SLC8A1: variants seen among roughly 807,000 people sequenced by gnomAD.
SLC8A1 encodes sodium/calcium exchanger 1.
A neutral mutation model predicts 68.3 loss-of-function variants in SLC8A1; 18 were observed. The ratio of observed to expected loss-of-function variants is 0.26; its 90% CI spans 0.18 to 0.39. The LOEUF is 0.39. SLC8A1 is among the 10% of genes least tolerant of loss of function. The pLI is 1.00. For missense variants in SLC8A1, 985 were observed against 1,156.7 expected, an observed-to-expected ratio of 0.85 and a Z score of 2.15; for synonymous variants, 475 against 415.5, an observed-to-expected ratio of 1.14 and a Z score of -1.74.
intron 2 of SLC8A1, among the ~76,000 whole-genome samples, chr2:40,283,794 C>T (rs553832107): frequency 3.2e-4 from 48 of 152,048 alleles, no homozygotes; most frequent in African/African-American, 1.0e-3. Context: ...CAATAGACGC[C>T]GAAGATAGAA....
At chr2:40,495,745 ATGTCTTGTG>A (rs1160750949) in intron 1 of SLC8A1, among the ~76,000 whole-genome samples, 4 of 152,054 alleles carry the variant, frequency 2.6e-5, no homozygotes, top group Non-Finnish European at 5.9e-5. Context: ...CTGAATTTAC[ATGTCTTGTG>A]ACAGGATTGG....
chr2:40,407,697 C>T (rs1027683287), intron 2 of SLC8A1, among the ~76,000 whole-genome samples: 1 of 152,168 alleles, frequency 6.6e-6, no homozygotes, highest in African/African-American at 2.4e-5. Context: ...AAAAGACATC[C>T]TCTATCTTGT....
At chr2:40,269,236 A>G (rs1574941296) in intron 2 of SLC8A1, among the ~76,000 whole-genome samples, 1 of 152,224 alleles carries the variant, frequency 6.6e-6, no homozygotes, top group African/African-American at 2.4e-5. Context: ...TTATAATAAC[A>G]TAGCTTATTC....
chr2:40,323,873 T>C (rs1019656518), intron 2 of SLC8A1, among the ~76,000 whole-genome samples: 3 of 152,122 alleles, frequency 2.0e-5, no homozygotes, highest in Admixed American at 2.0e-4. Flanking sequence ...AGGAAACTAG[T>C]ATGAGAAAGG....
chr2:40,119,945 C>G (rs185657074), intron 7 of SLC8A1, among the ~76,000 whole-genome samples: 4 of 152,308 alleles, frequency 2.6e-5, no homozygotes, highest in Admixed American at 2.6e-4. Context: ...TTGTTCTTTG[C>G]AGACCTGCCT....
intron 2 of SLC8A1, among the ~76,000 whole-genome samples, chr2:40,267,251 C>G (rs1395593981): frequency 6.6e-6 from 1 of 152,174 alleles, no homozygotes; most frequent in Non-Finnish European, 1.5e-5. Flanking sequence ...AGTCTTTTGT[C>G]TCTGGGTAAC....
In SLC8A1 at chr2:40,224,108, G is replaced by T. The variant is rs1024710196; in HGVS notation, c.1809-46253C>A. ...CGCTTCGTAGGGACTCATACATGAT[G>T]TTGCTCGGCAGTGAAATGATAGCTA... On this transcript the variant is annotated intron_variant, in intron 2 of 7. Transcript: ENST00000406785. Among the ~76,000 whole-genome samples, 8 of 152,268 alleles carry T rather than the reference G, an allele frequency of 5.3e-5. No homozygotes were observed. The South Asian group carries it at 1.2e-3, about 24-fold the overall frequency.
At chr2:40,465,337 T>C (rs2149897494) in intron 1 of SLC8A1, among the ~76,000 whole-genome samples, 1 of 152,296 alleles carries the variant, frequency 6.6e-6, no homozygotes, top group Non-Finnish European at 1.5e-5. Context: ...ATTTTTGGCA[T>C]GCTTACATTT....
chr2:40,286,133 C>T (rs1216828246), intron 2 of SLC8A1, among the ~76,000 whole-genome samples: 1 of 152,152 alleles, frequency 6.6e-6, no homozygotes, highest in Non-Finnish European at 1.5e-5. Context: ...TAATAGATGT[C>T]TGTCCAGTCA....
intron 2 of SLC8A1, among the ~76,000 whole-genome samples, chr2:40,400,178 A>C (rs1030431538): frequency 7.9e-5 from 12 of 152,126 alleles, no homozygotes; most frequent in African/African-American, 2.7e-4. Context: ...TTGAGACAGG[A>C]GTCTTGCCGA....
At chr2:40,119,044 T>G (rs1270876570) in intron 7 of SLC8A1, among the ~76,000 whole-genome samples, 1 of 152,158 alleles carries the variant, frequency 6.6e-6, no homozygotes, top group Non-Finnish European at 1.5e-5. Flanking sequence ...AAACCAGTCC[T>G]TTAGGCTGAC....
chr2:40,397,215 C>A (rs574863275), intron 2 of SLC8A1, among the ~76,000 whole-genome samples: 1 of 152,296 alleles, frequency 6.6e-6, no homozygotes, highest in East Asian at 1.9e-4. Flanking sequence ...CCTTTTCTCT[C>A]TTTCTGAATT....
chr2:40,288,517 T>C (rs17025742), intron 2 of SLC8A1, among the ~76,000 whole-genome samples: 5,730 of 152,074 alleles, frequency 0.038, 364 homozygotes, highest in African/African-American at 0.13. Flanking sequence ...CTACCTCAGC[T>C]GAAACACCCA....
chr2:40,427,835 G>A (rs943735156), intron 2 of SLC8A1, among the ~76,000 whole-genome samples: 8 of 152,090 alleles, frequency 5.3e-5, no homozygotes, highest in African/African-American at 9.7e-5. Flanking sequence ...AAATAAAACC[G>A]GACTTGAACT....
rs552571533 is a variant in SLC8A1, at chr2:40,388,606, C to T, written c.1808+39867G>A. Among the ~76,000 whole-genome samples the T allele has an allele frequency of 4.6e-5, 7 of 152,202 alleles. No homozygotes were observed. The South Asian group carries it at 1.4e-3, about 32-fold the overall frequency. ...CACTAATTTATGTCCTTTGGGTAAA[C>T]GTTCTTGTTAAACACACTGGTTTTT... On this transcript the variant is annotated intron_variant, in intron 2 of 7. Coordinates refer to ENST00000406785, the Ensembl canonical transcript of SLC8A1.
At chr2:40,447,139 C>T (rs1015451149) in intron 1 of SLC8A1, among the ~76,000 whole-genome samples, 1 of 152,148 alleles carries the variant, frequency 6.6e-6, no homozygotes, top group Non-Finnish European at 1.5e-5. Context: ...AGATCTATTA[C>T]ATGTACAAGA....
chr2:40,301,919 G>A (rs1020634787), intron 2 of SLC8A1, among the ~76,000 whole-genome samples: 5 of 152,016 alleles, frequency 3.3e-5, no homozygotes, highest in South Asian at 4.1e-4. Flanking sequence ...CTGGAGTGCA[G>A]TGGCACAATC....
At chr2:40,126,313 ATG>A (rs1334820931) in intron 7 of SLC8A1, among the ~76,000 whole-genome samples, 1 of 152,102 alleles carries the variant, frequency 6.6e-6, no homozygotes, top group Non-Finnish European at 1.5e-5. Context: ...AGCATTTTTT[ATG>A]TGTGTGTGTT....
At chr2:40,427,278 G>A (rs1697125441) in intron 2 of SLC8A1, among the ~76,000 whole-genome samples, 2 of 151,836 alleles carry the variant, frequency 1.3e-5, no homozygotes, top group African/African-American at 4.8e-5. Context: ...TTTTTGGTTT[G>A]TTTTCTCTCA....
Sources: gnomAD v4.1 joint callset for allele counts (sites outside exome capture counted in the v4.1 genomes callset) on GRCh38, gnomAD v4.1.1 for gene constraint, MANE v1.5 for transcripts, NCBI Gene and HGNC (gene_info 2026-07-23, HGNC 2026-07-21) for gene names.